The following MBTPS2 variants were observed in gnomAD, a reference collection of about 807,000 sequenced individuals.
The protein encoded by MBTPS2 is membrane bound transcription factor peptidase, site 2.
MBTPS2 carries 2 observed loss-of-function variants against 35.4 expected under a neutral mutation model. The ratio of observed to expected loss-of-function variants is 0.06; its 90% CI spans 0.02 to 0.18. The LOEUF (loss-of-function observed/expected upper bound fraction) is 0.18, where lower values mean the gene tolerates loss of function less well. Among genes scored for constraint, MBTPS2 ranks in the 10% least tolerant of loss-of-function variants. The probability of loss-of-function intolerance (pLI) is 1.00; values close to 1 mark genes in which losing one functional copy is unlikely to be tolerated. For synonymous variants in MBTPS2, 125 were observed against 140.4 expected, an observed-to-expected ratio of 0.89 and a Z score of 0.77; for missense variants, 244 against 386.5, an observed-to-expected ratio of 0.63 and a Z score of 3.09.
chrX:21,839,750 CTGGTGG>C lies in MBTPS2; in HGVS notation c.29_34del (p.Val10_Val11del). ...CGCTGCCGCCATGATTCCGGTGTCGCTGGTGGTGGTGGTGGTGGGTGGCTGGACTGT... is the reference window on the plus strand; with the variant it reads ...CGCTGCCGCCATGATTCCGGTGTCGCTGGTGGTGGTGGGTGGCTGGACTGT... On this transcript the variant is annotated inframe_deletion, in exon 1 of 11. Transcript: ENST00000379484. 3 of 1,190,291 alleles carry C rather than the reference CTGGTGG, an allele frequency of 2.5e-6. No homozygotes were observed. Among genetic ancestry groups the C allele is most frequent in the African/African-American group, 1.7e-5 (1 of 57,351 alleles).
At chrX:21,869,999 G>A (rs1156865437) in intron 7 of MBTPS2, 1 of 201,525 alleles carries the variant, frequency 5.0e-6, no homozygotes. Flanking sequence ...CCAGCACTTT[G>A]GGAGGCTGAG....
chrX:21,870,079 A>G (rs1455267925), intron 7 of MBTPS2: 1 of 122,161 alleles, frequency 8.2e-6, no homozygotes, highest in African/African-American at 3.3e-5. Flanking sequence ...CATCTCTACT[A>G]AAAATACAAA....
intron 1 of MBTPS2, chrX:21,841,677 AAAAT>A (rs1193243272): frequency 3.6e-5 from 4 of 111,710 alleles, no homozygotes; most frequent in Non-Finnish European, 5.6e-5. Flanking sequence ...AAAAAAATCT[AAAAT>A]AAAAAGAACT....
At chrX:21,859,399 A>G (rs1602144598) in intron 5 of MBTPS2, among the ~76,000 whole-genome samples, 1 of 80,847 alleles carries the variant, frequency 1.2e-5, no homozygotes, top group South Asian at 4.9e-4. Flanking sequence ...CACATCTTGC[A>G]TTTTAGCTGT....
chrX:21,874,485 T>C (rs2092951024), intron 7 of MBTPS2, among the ~76,000 whole-genome samples: 1 of 111,841 alleles, frequency 8.9e-6, no homozygotes, highest in Admixed American at 9.5e-5. Context: ...GTTCAGTTCA[T>C]ATTAGAGATA....
At chrX:21,874,528 G>GA (rs1309777800) in intron 7 of MBTPS2, among the ~76,000 whole-genome samples, 1 of 111,745 alleles carries the variant, frequency 8.9e-6, no homozygotes, top group Non-Finnish European at 1.9e-5. Context: ...ACTAGAGACT[G>GA]AAAAAATCTC....
rs777867760 is a variant in MBTPS2 at position 21,869,608 on chromosome X, C to T, written c.900C>T (p.Ile300=). 14 of 1,209,093 alleles carry T rather than the reference C, an allele frequency of 1.2e-5. No homozygotes were observed. Among genetic ancestry groups the T allele is most frequent in the Non-Finnish European group, 1.5e-5 (13 of 893,263 alleles). Residue 300 remains isoleucine (I), a synonymous_variant, in exon 7 of 11, where the codon ATC becomes ATT. Transcript: ENST00000379484. ...ATTGGAATGAATGTTTAGATACCAT[C>T]GCCTATGAGCCCCAAATTGGTTACT... is the stretch of plus-strand genomic sequence containing the variant. ...VQDWNECLDT[I]AYEPQIGYCI...
intron 5 of MBTPS2, chrX:21,858,078 T>G (rs1293297235): frequency 8.0e-6 from 1 of 125,161 alleles, no homozygotes. Flanking sequence ...TGGGAAAGAT[T>G]TACTTTAAAA....
intron 5 of MBTPS2, among the ~76,000 whole-genome samples, chrX:21,862,933 C>CATATATAT (rs542223686): frequency 0.026 from 707 of 27,597 alleles, 44 homozygotes; most frequent in East Asian, 0.11. Context: ...TATATATAAA[C>CATATATAT]ATATATATAT....
chrX:21,882,525 A>G lies in MBTPS2; in HGVS notation c.1430A>G (p.Asp477Gly). The G allele has an allele frequency of 8.3e-7, 1 of 1,210,805 alleles. No homozygotes were observed. Among genetic ancestry groups the G allele is most frequent in the Non-Finnish European group, 1.1e-6 (1 of 894,711 alleles). The change falls in exon 11 of 11, where the codon GAT (aspartate) becomes GGT (glycine). Residue 477 changes from aspartate to glycine, a missense_variant. Physicochemically the swap from Asp to Gly is moderately conservative, Grantham distance 94. Transcript: ENST00000379484. Reference sequence around the variant, plus strand: ...CAATGGATTCTAAACTCTTTCTTGGATGCCACCCTTACCTCAGTGATTGGA... The same window carrying G: ...CAATGGATTCTAAACTCTTTCTTGGGTGCCACCCTTACCTCAGTGATTGGA... ...DGQWILNSFL[D>G]ATLTSVIGDN...
intron 7 of MBTPS2, chrX:21,872,356 C>G (rs2092948208): frequency 9.0e-6 from 1 of 111,447 alleles, no homozygotes; most frequent in Non-Finnish European, 1.9e-5. Context: ...AAAAATTTTC[C>G]CTGAAACACT....
chrX:21,856,332 C>T (rs1305451932), intron 5 of MBTPS2: 2 of 494,746 alleles, frequency 4.0e-6, no homozygotes, highest in South Asian at 3.1e-5. Flanking sequence ...CCTTTCTCTG[C>T]AGCTCGCGCC....
chrX:21,883,237 C>A lies in MBTPS2; in HGVS notation c.*582C>A. ...TGACGTGAAAGGGAAAAATCTTTGT[C>A]AAATGATACCAAATAAATGAACAAA... On this transcript the variant is annotated 3_prime_UTR_variant, in exon 11 of 11. Transcript: ENST00000379484. 1 of 757,076 alleles carries A rather than the reference C, an allele frequency of 1.3e-6. No individual in the cohort carries two copies. The highest frequency in any genetic ancestry group is 1.6e-6 in the Non-Finnish European group (1 of 640,517). The allele number at this position is 757,076 out of a possible 1,213,427, so 62.4% of individuals were successfully genotyped here.
At chrX:21,842,385 A>C (rs758611782) in intron 1 of MBTPS2, among the ~76,000 whole-genome samples, 1 of 111,413 alleles carries the variant, frequency 9.0e-6, no homozygotes, top group Non-Finnish European at 1.9e-5. Context: ...GCTCAGAAGA[A>C]GAAAGCAAAC....
At chrX:21,844,284 G>C (rs976625321) in intron 2 of MBTPS2, among the ~76,000 whole-genome samples, 25 of 110,321 alleles carry the variant, frequency 2.3e-4, no homozygotes, top group African/African-American at 6.9e-4. Flanking sequence ...AGGCCGAGAT[G>C]GGCGGATTGC....
At chrX:21,859,570 T>C (rs2092928573) in intron 5 of MBTPS2, among the ~76,000 whole-genome samples, 2 of 107,931 alleles carry the variant, frequency 1.9e-5, no homozygotes, top group Admixed American at 1.0e-4. Flanking sequence ...ATATTGTGTA[T>C]ATGTTGACTT....
At chrX:21,844,380 G>T (rs896059720) in intron 2 of MBTPS2, among the ~76,000 whole-genome samples, 2 of 110,613 alleles carry the variant, frequency 1.8e-5, no homozygotes, top group Non-Finnish European at 3.8e-5. Context: ...AGGCGTGGTG[G>T]TATGGGTCTG....
At position 21,883,359 on chromosome X, in the gene MBTPS2, G is replaced by C; in HGVS notation, c.*704G>C. The stretch of plus-strand genomic sequence containing the variant: ...TCTGCCCCCTCATAAAGCAGCACTA[G>C]CTTTGACATCCACGGTGAGCTGCAG... On this transcript the variant is annotated 3_prime_UTR_variant, in exon 11 of 11. Transcript: ENST00000379484. 1 of 755,029 alleles carries C rather than the reference G, an allele frequency of 1.3e-6. No homozygotes were observed. Among genetic ancestry groups the C allele is most frequent in the Non-Finnish European group, 1.6e-6 (1 of 639,937 alleles). The allele number at this position is 755,029 out of a possible 1,213,427, so 62.2% of individuals were successfully genotyped here.
intron 10 of MBTPS2, 81 bp from the exon 11 acceptor site, chrX:21,882,352 A>G (rs1452146804): frequency 4.4e-5 from 32 of 720,677 alleles, no homozygotes; most frequent in Non-Finnish European, 6.9e-5. Flanking sequence ...ATTCAGTCAC[A>G]GTAAAATATC....
Sources: allele counts gnomAD v4.1 joint callset (sites outside exome capture counted in the v4.1 genomes callset), GRCh38; gene constraint gnomAD v4.1.1; transcripts MANE v1.5; gene names NCBI Gene and HGNC (gene_info 2026-07-23, HGNC 2026-07-21).